CASKIN1: variants seen among roughly 807,000 people sequenced by gnomAD.
CASKIN1 encodes caskin-1.
Under a neutral mutation model 117.5 loss-of-function variants are expected in CASKIN1, and 42 were observed. The ratio of observed to expected loss-of-function variants is 0.36; its 90% confidence interval spans 0.28 to 0.46. CASKIN1 has a LOEUF of 0.46. Among genes scored for constraint, CASKIN1 ranks in the 20% least tolerant of loss-of-function variants. CASKIN1 has a pLI of 1.00. For missense variants in CASKIN1, 2,083 were observed against 2,077.3 expected (o/e 1.00, Z -0.05); for synonymous variants, 1,148 against 961.7 (o/e 1.19, Z -3.59).
intron 14 of CASKIN1, among the ~76,000 whole-genome samples, chr16:2,184,270 G>T (rs2093177077): frequency 6.6e-6 from 1 of 152,146 alleles, no homozygotes; most frequent in Non-Finnish European, 1.5e-5. Context: ...GCCATCTTGG[G>T]GATGCAGGTG....
At position 2,189,565 on chromosome 16, in the gene CASKIN1, C is replaced by A; in HGVS notation, c.245-1G>T. 6.3e-7 allele frequency: 1 copy of A among 1,598,576 alleles called. No homozygotes were observed. The highest frequency in any genetic ancestry group is 8.5e-7 in the Non-Finnish European group (1 of 1,173,808). Reference sequence around the variant, plus strand: ...GCCGCATAGTGCAGCGGCCGCATGCCTGGGGGGCGAGGGGATGCTGGGAGC... The same window carrying A: ...GCCGCATAGTGCAGCGGCCGCATGCATGGGGGGCGAGGGGATGCTGGGAGC... On this transcript the variant is annotated splice_acceptor_variant, in intron 3 of 19. Coordinates refer to ENST00000343516, the MANE Select transcript of CASKIN1 (RefSeq NM_020764.4). LOFTEE classifies it high-confidence loss of function.
chr16:2,186,929 C>T (rs111837932), intron 9 of CASKIN1, 49 bp downstream of exon 9: 2 of 1,607,196 alleles, frequency 1.2e-6, no homozygotes, highest in Admixed American at 1.7e-5. Context: ...GTGCGCACGC[C>T]CAGGTGCCGC....
At chr16:2,188,843 T>A in intron 6 of CASKIN1, 184 bp downstream of exon 6, 4 of 826,794 alleles carry the variant, frequency 4.8e-6, no homozygotes, top group Non-Finnish European at 5.5e-6. Context: ...AGAAGCCCCC[T>A]TCCCAGCCCC....
Position 2,179,540 on chromosome 16 carries a change from A to C in CASKIN1, c.3775+53T>G. ...AGGAAAACCCCTCAGACCACCGAGT[A>C]AGGAGGTGGAGCAGGGTCCTGTTGC... On this transcript the variant is annotated intron_variant, in intron 18 of 19. Coordinates refer to ENST00000343516, the MANE Select transcript of CASKIN1 (RefSeq NM_020764.4). The surrounding 1 kb of genome is among the most constrained non-coding windows in gnomAD (Gnocchi z 5.8). The C allele has an allele frequency of 7.2e-7, 1 of 1,398,564 alleles. No homozygotes were observed. The highest frequency in any genetic ancestry group is 9.3e-7 in the Non-Finnish European group (1 of 1,075,164). The allele number at this position is 1,398,564 out of a possible 1,614,324, so 86.6% of individuals were successfully genotyped here.
chr16:2,195,473 C>T (rs371687620), intron 1 of CASKIN1, among the ~76,000 whole-genome samples: 24 of 152,364 alleles, frequency 1.6e-4, no homozygotes, highest in East Asian at 1.5e-3. Flanking sequence ...CGTGCGCAGC[C>T]GCACACGCGG....
chr16:2,189,408 T>C lies in CASKIN1; in HGVS notation c.390+11A>G. On this transcript the variant is annotated intron_variant, in intron 4 of 19. Transcript: ENST00000343516. ...CCCGCCCCCGCTGCCCCGCCCCCGCTCGGGCCTCACCACATCATAGTGACC... is the reference window on the plus strand; with the variant it reads ...CCCGCCCCCGCTGCCCCGCCCCCGCCCGGGCCTCACCACATCATAGTGACC... 1 of 1,610,448 alleles carries C rather than the reference T, an allele frequency of 6.2e-7. No individual in the cohort carries two copies. The highest frequency in any genetic ancestry group is 8.5e-7 in the Non-Finnish European group (1 of 1,178,898).
intron 1 of CASKIN1, among the ~76,000 whole-genome samples, chr16:2,193,021 C>T (rs1431058933): frequency 4.0e-5 from 6 of 151,772 alleles, no homozygotes; most frequent in African/African-American, 1.2e-4. Context: ...AATTCTTTTT[C>T]TTTTTTTTTA....
At position 2,185,216 on chromosome 16, in the gene CASKIN1, G is replaced by C. The variant is rs1375939091; in HGVS notation, c.1151-17C>G. The C allele has an allele frequency of 1.2e-6, 2 of 1,611,078 alleles. No homozygotes were observed. Among genetic ancestry groups the C allele is most frequent in the East Asian group, 4.5e-5 (2 of 44,796 alleles). ...GGTCCCCACCTGCCAGCACAAGGGAGCAAGATGAGGCCAGTGCCGGCCCCT... is the reference window on the plus strand; with the variant it reads ...GGTCCCCACCTGCCAGCACAAGGGACCAAGATGAGGCCAGTGCCGGCCCCT... On this transcript the variant is annotated splice_polypyrimidine_tract_variant and intron_variant, in intron 11 of 19. Transcript: ENST00000343516.
rs766520186 is a variant in CASKIN1, at chr16:2,180,700, C to G, written c.2668G>C (p.Asp890His). 9.4e-6 allele frequency: 14 copies of G among 1,493,162 alleles called. No individual in the cohort carries two copies. Among genetic ancestry groups the G allele is most frequent in the Admixed American group, 4.6e-5 (2 of 43,538 alleles). The allele number at this position is 1,493,162 out of a possible 1,614,324, so 92.5% of individuals were successfully genotyped here. A position where few individuals can be genotyped will look rare whatever the true frequency, so the allele number is the denominator to read the frequency against. ...AGCTCGTCCCGCTCCGGCTCGCTGT[C>G]GGACGCCGCATAGCGATTCAGGCTG... is the stretch of plus-strand genomic sequence containing the variant. ...AHSLNRYAAS[D>H]SEPERDELLV... Residue 890 changes from aspartate to histidine, a missense_variant, in exon 18 of 20, where the codon GAC (aspartate) becomes CAC (histidine). Physicochemically the swap from Asp to His is moderately conservative, Grantham distance 81 (BLOSUM62 -1). Around this residue, in one of 3 missense-constraint regions of CASKIN1, gnomAD observed 1,818 missense variants for 1,688.9 expected, o/e 1.08. Transcript: ENST00000343516.
At chr16:2,193,217 A>C (rs2093205952) in intron 1 of CASKIN1, among the ~76,000 whole-genome samples, 1 of 152,028 alleles carries the variant, frequency 6.6e-6, no homozygotes, top group Non-Finnish European at 1.5e-5. Flanking sequence ...GGGTTTCTCC[A>C]TGTTGGTCAG....
At chr16:2,183,253 G>A (rs1417929552) in intron 16 of CASKIN1, among the ~76,000 whole-genome samples, 1 of 152,210 alleles carries the variant, frequency 6.6e-6, no homozygotes, top group African/African-American at 2.4e-5. Context: ...CGTGTGGCTG[G>A]CACGTACCTG....
chr16:2,190,958 G>A (rs2093200018), intron 1 of CASKIN1, among the ~76,000 whole-genome samples: 1 of 152,208 alleles, frequency 6.6e-6, no homozygotes, highest in Non-Finnish European at 1.5e-5. Context: ...ACGGCTGCCT[G>A]CTCCCTGGCG....
Position 2,196,428 on chromosome 16 carries a change from C to G in CASKIN1, c.5G>C (p.Gly2Ala). The change falls in exon 1 of 20, where the codon GGG becomes GCG. Residue 2 changes from glycine to alanine, a missense_variant. Physicochemically the swap from Gly to Ala is moderately conservative, Grantham distance 60 (BLOSUM62 0). This residue lies in a region of CASKIN1 where 62 missense variants were observed against 49.7 expected (regional missense o/e 1.25). Transcript: ENST00000343516. This position sits in a 1 kb window ranked among gnomAD's most constrained non-coding sequence, Gnocchi z 5.7. ...CGCCTGCACCAGCTCCTGCTCCTTC[C>G]CCATGGCGCGGCCGGGGCCGCAGCG... is the stretch of plus-strand genomic sequence containing the variant. M[G>A]KEQELVQAVK... The G allele has an allele frequency of 7.7e-7, 1 of 1,300,114 alleles. No individual in the cohort carries two copies. The highest frequency in any genetic ancestry group is 9.9e-7 in the Non-Finnish European group (1 of 1,010,206). 80.5% of individuals were successfully genotyped at this position (1,300,114 alleles called of 1,614,324 possible).
chr16:2,188,847 C>T (rs2093192529), intron 6 of CASKIN1, 180 bp downstream of exon 6: 1 of 856,826 alleles, frequency 1.2e-6, no homozygotes, highest in Non-Finnish European at 1.7e-6. Flanking sequence ...GCCCCCTTCC[C>T]AGCCCCTGCA....
rs1408916448 is a variant in CASKIN1 at position 2,182,814 on chromosome 16, G to A, written c.1629+832C>T. Among the ~76,000 whole-genome samples, 2 of 152,232 alleles carry A rather than the reference G, an allele frequency of 1.3e-5. No homozygotes were observed. The highest frequency in any genetic ancestry group is 6.5e-5 in the Admixed American group (1 of 15,286). On this transcript the variant is annotated intron_variant, in intron 16 of 19. Transcript: ENST00000343516. The surrounding 1 kb of genome is among the most constrained non-coding windows in gnomAD (Gnocchi z 4.1). Reference sequence around the variant, plus strand: ...CCTGTTGTTTTGCTTTGTTTGAGACGGAGCCTCGCTCTGTCGCCCAGGCTG... The same window carrying A: ...CCTGTTGTTTTGCTTTGTTTGAGACAGAGCCTCGCTCTGTCGCCCAGGCTG...
In CASKIN1 at chr16:2,179,150, C is replaced by T. The variant is rs1392728266; in HGVS notation, c.3951G>A (p.Thr1317=). 4.7e-6 allele frequency: 5 copies of T among 1,066,364 alleles called. No homozygotes were observed. The highest frequency in any genetic ancestry group is 6.4e-5 in the East Asian group (1 of 15,730). 66.1% of individuals were successfully genotyped at this position (1,066,364 alleles called of 1,614,324 possible). A position where few individuals can be genotyped will look rare whatever the true frequency, so the allele number is the denominator to read the frequency against. The stretch of plus-strand genomic sequence containing the variant: ...CGGGGCTGGCGCCCAGCGAGGGCGG[C>T]GTACCGGGCGGCTTGGCGAGGGCGG... ...PPAALAKPPG[T]PPSLGASPAK... The change falls in exon 19 of 20, where the codon ACG becomes ACA. Residue 1317 remains threonine (T), a synonymous_variant. Coordinates refer to ENST00000343516, the MANE Select transcript of CASKIN1 (RefSeq NM_020764.4). The surrounding 1 kb of genome is among the most constrained non-coding windows in gnomAD (Gnocchi z 5.8).
chr16:2,181,093 CG>C lies in CASKIN1; in HGVS notation c.2274del (p.Val759CysfsTer46). On this transcript the variant is annotated frameshift_variant, in exon 18 of 20. Coordinates refer to ENST00000343516, the MANE Select transcript of CASKIN1 (RefSeq NM_020764.4). LOFTEE classifies it high-confidence loss of function. ...GHSIKRASVP[P>X]VPGKPRQVLP... is the part of the protein sequence containing the mutation. Reference sequence around the variant, plus strand: ...AGGACCTGCCGTGGCTTGCCAGGCACGGGGGGCACGCTGGCCCTCTTGATGC... The same window carrying C: ...AGGACCTGCCGTGGCTTGCCAGGCACGGGGGCACGCTGGCCCTCTTGATGC... 6.8e-7 allele frequency: 1 copy of C among 1,479,580 alleles called. No individual in the cohort carries two copies. Among genetic ancestry groups the C allele is most frequent in the Non-Finnish European group, 8.9e-7 (1 of 1,122,382 alleles). 91.7% of individuals were successfully genotyped at this position (1,479,580 alleles called of 1,614,324 possible).
At chr16:2,190,044 C>A in intron 3 of CASKIN1, 29 bp downstream of exon 3, 1 of 1,596,820 alleles carries the variant, frequency 6.3e-7, no homozygotes, top group South Asian at 1.1e-5. Context: ...CCGCCCCTGC[C>A]CCCACCAGAG....
chr16:2,183,512 G>A, intron 16 of CASKIN1, 134 bp downstream of exon 16: 1 of 818,102 alleles, frequency 1.2e-6, no homozygotes, highest in Non-Finnish European at 1.9e-6. Flanking sequence ...CTCCCTGCTA[G>A]CAGGGCATCC....
Sources: gnomAD v4.1 joint callset for allele counts (sites outside exome capture counted in the v4.1 genomes callset) on GRCh38, gnomAD v4.1.1 for gene constraint, gnomAD v4.1.1 regional missense constraint, Gnocchi (gnomAD v3.1) non-coding constraint, MANE v1.5 for transcripts, NCBI Gene and HGNC (gene_info 2026-07-23, HGNC 2026-07-21) for gene names.